The following BBS2 variants were observed in gnomAD, a reference collection of about 807,000 sequenced individuals.
The protein encoded by BBS2 is Bardet-Biedl syndrome 2.
A neutral mutation model predicts 83.0 loss-of-function variants in BBS2; 62 were observed. The observed-to-expected ratio is 0.75, with a 90% CI of 0.61 to 0.92. The LOEUF (loss-of-function observed/expected upper bound fraction) is 0.92. Ranked by LOEUF, BBS2 falls within the 40% of genes least tolerant of loss-of-function variation. The probability of loss-of-function intolerance (pLI) is 0.00; values close to 1 mark genes in which losing one functional copy is unlikely to be tolerated. For missense variants in BBS2, 784 were observed against 901.0 expected, an observed-to-expected ratio of 0.87 and a Z score of 1.66; for synonymous variants, 303 against 326.1, an observed-to-expected ratio of 0.93 and a Z score of 0.76.
intron 9 of BBS2, chr16:56,501,867 A>G (rs576155562): frequency 1.4e-5 from 5 of 366,436 alleles, no homozygotes; most frequent in African/African-American, 1.0e-4. Flanking sequence ...CTGTATGCAC[A>G]CACACAGTTT....
intron 15 of BBS2, among the ~76,000 whole-genome samples, chr16:56,488,488 T>C (rs141823881): frequency 6.6e-6 from 1 of 152,258 alleles, no homozygotes; most frequent in Non-Finnish European, 1.5e-5. Context: ...TTATAAAGGA[T>C]ATTACAAAGG....
chr16:56,488,931 G>T (rs2398256), intron 15 of BBS2, among the ~76,000 whole-genome samples: 63 of 152,166 alleles, frequency 4.1e-4, no homozygotes, highest in African/African-American at 1.4e-3. Context: ...ATGTATTTCA[G>T]AATATCACAA....
In BBS2 at chr16:56,514,589, C is replaced by T. The variant is rs4784677; in HGVS notation, c.209G>A (p.Ser70Asn). 1,603,599 of 1,614,200 alleles carry T rather than the reference C, an allele frequency of 0.99. 796,560 individuals carry two copies. The highest frequency in any genetic ancestry group is 1 in the East Asian group (44,880 of 44,880). ...CAGACAGCTGACTGCCTGGTTAATG[C>T]TGAGAAGAGAAACATCAGATTCCAG... ...SPLESDVSLL[S>N]INQAVSCLTA... is the part of the protein sequence containing the mutation. The change falls in exon 2 of 17, where the codon AGC (serine) becomes AAC (asparagine). Residue 70 changes from serine to asparagine, a missense_variant. Physicochemically the swap from Ser to Asn is conservative, Grantham distance 46. Coordinates refer to ENST00000245157, the MANE Select transcript of BBS2 (RefSeq NM_031885.5).
At chr16:56,514,949 A>C (rs1185713258) in intron 1 of BBS2, among the ~76,000 whole-genome samples, 5 of 152,182 alleles carry the variant, frequency 3.3e-5, no homozygotes, top group Non-Finnish European at 5.9e-5. Context: ...CTTACATGCT[A>C]CCCACCAGCA....
intron 12 of BBS2, chr16:56,499,003 T>G: frequency 3.4e-6 from 1 of 294,704 alleles, no homozygotes; most frequent in South Asian, 3.2e-5. Context: ...AAATGAAGTA[T>G]ACATGGGCAA....
chr16:56,512,464 T>C (rs551778180), intron 2 of BBS2, among the ~76,000 whole-genome samples: 14 of 152,338 alleles, frequency 9.2e-5, no homozygotes, highest in African/African-American at 3.4e-4. Context: ...CAGCCACTTG[T>C]CTATCACCAA....
intron 5 of BBS2, among the ~76,000 whole-genome samples, chr16:56,508,396 C>CT (rs1964482830): frequency 6.6e-6 from 1 of 152,192 alleles, no homozygotes; most frequent in Non-Finnish European, 1.5e-5. Flanking sequence ...ATTCTGATCT[C>CT]TAAGACTCTC....
At chr16:56,517,575 T>C (rs888502916) in intron 1 of BBS2, among the ~76,000 whole-genome samples, 4 of 152,252 alleles carry the variant, frequency 2.6e-5, no homozygotes, top group Admixed American at 1.3e-4. Context: ...CTTTTTCTCC[T>C]ATGAAAACAC....
At chr16:56,516,499 G>C (rs111658314) in intron 1 of BBS2, among the ~76,000 whole-genome samples, 11,785 of 152,066 alleles carry the variant, frequency 0.077, 685 homozygotes, top group East Asian at 0.16. Context: ...TGGGTCCTAG[G>C]GATTCTCCTG....
At chr16:56,511,337 C>T in intron 2 of BBS2, 53 bp from the exon 3 acceptor site, 1 of 1,608,970 alleles carries the variant, frequency 6.2e-7, no homozygotes, top group Non-Finnish European at 8.5e-7. Context: ...TGCAGGCCCA[C>T]ATATTAATTG....
At chr16:56,470,573 T>C in exon 18 of BBS2, 1 of 1,614,212 alleles carries the variant, frequency 6.2e-7, no homozygotes, top group South Asian at 1.1e-5. Context: ...CTATTCTTGC[T>C]GCTCTCCAAC....
At chr16:56,483,005 TAC>T (rs1332660327), downstream of BBS2, among the ~76,000 whole-genome samples, 1 of 152,190 alleles carries the variant, frequency 6.6e-6, no homozygotes, top group Non-Finnish European at 1.5e-5. Flanking sequence ...ACAACAGCAG[TAC>T]AGTCTGAGAA....
At chr16:56,502,937 C>G (rs1964319397) in intron 7 of BBS2, 129 bp from the exon 8 acceptor site, 5 of 1,180,590 alleles carry the variant, frequency 4.2e-6, no homozygotes, top group Non-Finnish European at 6.1e-6. Context: ...TGAAGCCCTA[C>G]AACTTCTCAG....
In BBS2 at chr16:56,497,758, T is replaced by C; in HGVS notation, c.1782A>G (p.Arg594=). ...ADFPVYFEEL[R]KVLVKVDEYH... is the part of the protein sequence containing the mutation. ...ATTCCCTCACCTTAACTAGCACCTT[T>C]CGTAATTCCTCAAAATAGACAGGAA... Residue 594 remains arginine, a synonymous_variant, in exon 14 of 17, where the codon CGA becomes CGG. Transcript: ENST00000245157. 6.2e-7 allele frequency: 1 copy of C among 1,613,516 alleles called. No individual in the cohort carries two copies. Among genetic ancestry groups the C allele is most frequent in the Non-Finnish European group, 8.5e-7 (1 of 1,179,870 alleles).
At chr16:56,516,448 G>A (rs1242724302) in intron 1 of BBS2, among the ~76,000 whole-genome samples, 1 of 152,178 alleles carries the variant, frequency 6.6e-6, no homozygotes, top group Non-Finnish European at 1.5e-5. Context: ...CCAGGCTGGA[G>A]TACAGTGGTG....
intron 11 of BBS2, 145 bp from the exon 12 acceptor site, chr16:56,500,052 G>GTTT: frequency 1.1e-6 from 1 of 899,382 alleles, no homozygotes; most frequent in South Asian, 1.4e-5. Flanking sequence ...AACACTTGAG[G>GTTT]GTTAAAGTAC....
intron 12 of BBS2, chr16:56,499,536 TTAAA>T: frequency 4.3e-6 from 2 of 464,790 alleles, no homozygotes; most frequent in Non-Finnish European, 7.9e-6. Flanking sequence ...AAGAGAGGAA[TTAAA>T]CACTGGTAAG....
intron 4 of BBS2, among the ~76,000 whole-genome samples, 192 bp from the exon 5 acceptor site, chr16:56,510,226 G>C (rs1964538903): frequency 6.6e-6 from 1 of 152,150 alleles, no homozygotes; most frequent in African/African-American, 2.4e-5. Context: ...TGAAGGAACA[G>C]GGGCTACTGC....
chr16:56,505,750 A>T, intron 7 of BBS2, among the ~76,000 whole-genome samples, 200 bp downstream of exon 7: 1 of 152,214 alleles, frequency 6.6e-6, no homozygotes, highest in Admixed American at 6.5e-5. Context: ...ACCGCTTATA[A>T]GACTTACACT....
Sources: allele counts gnomAD v4.1 joint callset (sites outside exome capture counted in the v4.1 genomes callset), GRCh38; gene constraint gnomAD v4.1.1; transcripts MANE v1.5; gene names NCBI Gene and HGNC (gene_info 2026-07-23, HGNC 2026-07-21).